Variants in OTUD3 observed in about 807,000 individuals in gnomAD.
The protein encoded by OTUD3 is OTU deubiquitinase 3.
A neutral mutation model predicts 46.2 loss-of-function variants in OTUD3; 24 were observed. That is an observed-to-expected ratio of 0.52 (90% CI 0.38 to 0.73). The LOEUF is 0.73. Ranked by LOEUF, OTUD3 falls within the 30% of genes least tolerant of loss-of-function variation. OTUD3 has a pLI of 0.00. For missense variants in OTUD3, 455 were observed against 523.3 expected (o/e 0.87, Z 1.27); for synonymous variants, 189 against 195.4 (o/e 0.97, Z 0.27).
intron 3 of OTUD3, 134 bp downstream of exon 3, chr1:19,894,614 C>G (rs576350583): frequency 1.8e-6 from 1 of 551,338 alleles, no homozygotes; most frequent in Non-Finnish European, 3.2e-6. Flanking sequence ...TAACCAAAGA[C>G]AAAAATCTTG....
At chr1:19,888,824 GTT>G (rs2045407211) in intron 1 of OTUD3, among the ~76,000 whole-genome samples, 1 of 152,184 alleles carries the variant, frequency 6.6e-6, no homozygotes, top group African/African-American at 2.4e-5. Flanking sequence ...GTTTGTGTGT[GTT>G]TCTGTGTCTG....
At chr1:19,891,739 T>A (rs2045449521) in intron 2 of OTUD3, among the ~76,000 whole-genome samples, 1 of 152,216 alleles carries the variant, frequency 6.6e-6, no homozygotes, top group Non-Finnish European at 1.5e-5. Flanking sequence ...GATCCCAAAG[T>A]GTTTCCCATT....
chr1:19,904,062 CCTTT>C (rs1158600349), intron 4 of OTUD3, among the ~76,000 whole-genome samples: 2 of 152,106 alleles, frequency 1.3e-5, no homozygotes, highest in East Asian at 1.9e-4. Flanking sequence ...GTCTTTTGGG[CCTTT>C]CTTTTCAATT....
intron 3 of OTUD3, among the ~76,000 whole-genome samples, 194 bp from the exon 4 acceptor site, chr1:19,897,342 TTAAA>T (rs1005147420): frequency 1.3e-5 from 2 of 152,194 alleles, no homozygotes; most frequent in African/African-American, 4.8e-5. Flanking sequence ...GAGTTACATA[TTAAA>T]TAAGCATACG....
rs1557671204 is a variant in OTUD3, at chr1:19,882,725, C to T, written c.212C>T (p.Pro71Leu). ...CTGGGGCTGAAGCTGCGGGAGGTGCCGGGGGACGGGTGAGGCGGGCCGGGA... is the reference window on the plus strand; with the variant it reads ...CTGGGGCTGAAGCTGCGGGAGGTGCTGGGGGACGGGTGAGGCGGGCCGGGA... ...QALGLKLREV[P>L]GDGNCLFRAL... The change falls in exon 1 of 8, where the codon CCG (proline) becomes CTG (leucine). Residue 71 changes from proline to leucine, a missense_variant. Pro to Leu is a moderately conservative substitution (Grantham distance 98, BLOSUM62 -3). Transcript: ENST00000375120. 5.1e-6 allele frequency: 7 copies of T among 1,365,622 alleles called. No homozygotes were observed. The highest frequency in any genetic ancestry group is 2.7e-4 in the Middle Eastern group (1 of 3,744). 84.6% of individuals were successfully genotyped at this position (1,365,622 alleles called of 1,614,324 possible).
chr1:19,902,714 ATTTTTT>A (rs1361376006), intron 4 of OTUD3, among the ~76,000 whole-genome samples: 1 of 151,998 alleles, frequency 6.6e-6, no homozygotes, highest in African/African-American at 2.4e-5. Context: ...ATTTGCTGTA[ATTTTTT>A]TGGTTTGCAG....
rs2045430196 is a variant in OTUD3, at chr1:19,890,387, A to G, written c.224A>G (p.Asn75Ser). 2 of 1,613,714 alleles carry G rather than the reference A, an allele frequency of 1.2e-6. No homozygotes were observed. The highest frequency in any genetic ancestry group is 1.1e-5 in the South Asian group (1 of 91,048). Residue 75 changes from asparagine to serine, a missense_variant and splice_region_variant, in exon 2 of 8, where the codon AAT (asparagine) becomes AGT (serine). Physicochemically the swap from Asn to Ser is conservative, Grantham distance 46 (BLOSUM62 1). Coordinates refer to ENST00000375120, the MANE Select transcript of OTUD3 (RefSeq NM_015207.2). ...GACTCGTGTTGTTGTTTTGACAGCA[A>G]TTGCTTGTTCAGAGCTCTTGGTGAT... is the stretch of plus-strand genomic sequence containing the variant. Reference protein sequence around the residue: ...LKLREVPGDGNCLFRALGDQL... With the variant: ...LKLREVPGDGSCLFRALGDQL...
intron 2 of OTUD3, among the ~76,000 whole-genome samples, chr1:19,892,778 CTG>C (rs993354465): frequency 6.6e-6 from 1 of 152,180 alleles, no homozygotes; most frequent in African/African-American, 2.4e-5. Flanking sequence ...TTTCCTCAGT[CTG>C]TTTTCTACAT....
intron 4 of OTUD3, among the ~76,000 whole-genome samples, chr1:19,898,765 T>TA (rs1431041162): frequency 6.6e-6 from 1 of 151,996 alleles, no homozygotes; most frequent in Non-Finnish European, 1.5e-5. Flanking sequence ...TGCATAAACC[T>TA]TTTTTTCCTG....
chr1:19,882,543 G>T lies in OTUD3; in HGVS notation c.30G>T (p.Arg10=). 1 of 1,345,780 alleles carries T rather than the reference G, an allele frequency of 7.4e-7. No individual in the cohort carries two copies. The highest frequency in any genetic ancestry group is 2.0e-5 in the South Asian group (1 of 50,494). The allele number at this position is 1,345,780 out of a possible 1,614,324, so 83.4% of individuals were successfully genotyped here. ...CCCGAAAGCAGGCGGCGAAGAGCCG[G>T]CCGGGCAGCGGCAGCCGGAAAGCCG... MSRKQAAKS[R]PGSGSRKAEA... The change falls in exon 1 of 8, where the codon CGG becomes CGT. Residue 10 remains arginine (R), a synonymous_variant. Transcript: ENST00000375120.
At chr1:19,896,978 C>T (rs1557678091) in intron 3 of OTUD3, among the ~76,000 whole-genome samples, 1 of 152,132 alleles carries the variant, frequency 6.6e-6, no homozygotes, top group African/African-American at 2.4e-5. Context: ...TGATGTTTCT[C>T]ATTTAGGTGG....
intron 3 of OTUD3, among the ~76,000 whole-genome samples, chr1:19,894,998 A>T (rs1225500379): frequency 1.3e-5 from 2 of 152,248 alleles, no homozygotes; most frequent in Non-Finnish European, 2.9e-5. Context: ...AATTTTATTC[A>T]ATCACCCAGA....
chr1:19,906,641 C>T (rs950493306), intron 7 of OTUD3, 25 bp downstream of exon 7: 23 of 1,573,430 alleles, frequency 1.5e-5, no homozygotes, highest in Non-Finnish European at 2.0e-5. Context: ...GTTGAATGGG[C>T]AGGTGGTGGG....
rs377230089 is a variant in OTUD3 at position 19,901,194 on chromosome 1, G to A, written c.607-3073G>A. Reference sequence around the variant, plus strand: ...CAAAGTGCTGGGGTTACAGGCGTGAGCCACCGTGCCCGGCCCTATTGAGTT... The same window carrying A: ...CAAAGTGCTGGGGTTACAGGCGTGAACCACCGTGCCCGGCCCTATTGAGTT... On this transcript the variant is annotated intron_variant, in intron 4 of 7. Coordinates refer to ENST00000375120, the MANE Select transcript of OTUD3 (RefSeq NM_015207.2). 1.8e-4 allele frequency among the ~76,000 whole-genome samples: 28 copies of A among 152,252 alleles called. No individual in the cohort carries two copies. The East Asian group carries it at 1.9e-3, about 10-fold the overall frequency.
chr1:19,906,805 G>A (rs2045668050), intron 7 of OTUD3, 189 bp downstream of exon 7: 2 of 522,094 alleles, frequency 3.8e-6, no homozygotes, highest in Non-Finnish European at 6.7e-6. Flanking sequence ...TGTATGCCGT[G>A]ACAGTTGGAA....
At chr1:19,897,947 CTT>C (rs535971585) in intron 4 of OTUD3, 456 of 161,104 alleles carry the variant, frequency 2.8e-3, no homozygotes, top group South Asian at 7.1e-3. Flanking sequence ...TAATCCACAC[CTT>C]TTTTTTTTTT....
rs758098056 is a variant in OTUD3, at chr1:19,890,432, G to A, written c.269G>A (p.Arg90Gln). 9.3e-6 allele frequency: 15 copies of A among 1,613,776 alleles called. No homozygotes were observed. Among genetic ancestry groups the A allele is most frequent in the South Asian group, 2.2e-5 (2 of 91,066 alleles). Residue 90 changes from arginine (R) to glutamine (Q), a missense_variant, in exon 2 of 8, where the codon CGA becomes CAA. Arg to Gln is a conservative substitution (Grantham distance 43, BLOSUM62 1). Coordinates refer to ENST00000375120, the MANE Select transcript of OTUD3 (RefSeq NM_015207.2). ...ALGDQLEGHS[R>Q]NHLKHRQETV... ...GGTGATCAATTGGAGGGACACTCAC[G>A]AAATCATCTCAAGCACAGACAGGAG...
chr1:19,890,432 G>T lies in OTUD3; in HGVS notation c.269G>T (p.Arg90Leu), dbSNP rs758098056. ...ALGDQLEGHS[R>L]NHLKHRQETV... ...GGTGATCAATTGGAGGGACACTCAC[G>T]AAATCATCTCAAGCACAGACAGGAG... Residue 90 changes from arginine to leucine, a missense_variant, in exon 2 of 8, where the codon CGA (arginine) becomes CTA (leucine). Physicochemically the swap from Arg to Leu is moderately radical, Grantham distance 102 (BLOSUM62 -2). Transcript: ENST00000375120. 6.2e-7 allele frequency: 1 copy of T among 1,613,776 alleles called. No individual in the cohort carries two copies. The highest frequency in any genetic ancestry group is 2.2e-5 in the East Asian group (1 of 44,892).
rs1488773473 is a variant in OTUD3, at chr1:19,882,654, C to T, written c.141C>T (p.Gly47=). ...RRNRPESGGG[G]GCEEEFVSFA... The stretch of plus-strand genomic sequence containing the variant: ...ATCGGCCGGAGTCTGGCGGCGGCGG[C>T]GGCTGCGAGGAGGAGTTCGTCAGCT... The change falls in exon 1 of 8, where the codon GGC becomes GGT. Residue 47 remains glycine (G), a synonymous_variant. Coordinates refer to ENST00000375120, the MANE Select transcript of OTUD3 (RefSeq NM_015207.2). The T allele has an allele frequency of 2.9e-5, 43 of 1,459,886 alleles. No homozygotes were observed. Among genetic ancestry groups the T allele is most frequent in the Non-Finnish European group, 3.5e-5 (39 of 1,107,922 alleles). The allele number at this position is 1,459,886 out of a possible 1,614,324, so 90.4% of individuals were successfully genotyped here.
Sources: gnomAD v4.1 joint callset for allele counts (sites outside exome capture counted in the v4.1 genomes callset) on GRCh38, gnomAD v4.1.1 for gene constraint, MANE v1.5 for transcripts, NCBI Gene and HGNC (gene_info 2026-07-23, HGNC 2026-07-21) for gene names.